The following AGTPBP1 variants were observed in gnomAD, a reference collection of about 807,000 sequenced individuals.
AGTPBP1 encodes the protein ATP/GTP binding carboxypeptidase 1.
AGTPBP1 carries 70 observed loss-of-function variants against 143.9 expected under a neutral mutation model. The ratio of observed to expected loss-of-function variants is 0.49; its 90% confidence interval spans 0.40 to 0.59. AGTPBP1 has a LOEUF of 0.59. AGTPBP1 is among the 20% of genes least tolerant of loss of function. The pLI, the probability that AGTPBP1 is intolerant of heterozygous loss-of-function variation, is 0.00. For missense variants in AGTPBP1, 1,229 were observed against 1,464.5 expected (o/e 0.84, Z 2.62); for synonymous variants, 463 against 500.2 (o/e 0.93, Z 0.99).
chr9:85,755,673 C>A, the AGTPBP1 span, among the ~76,000 whole-genome samples: 1 of 152,146 alleles, frequency 6.6e-6, no homozygotes, highest in Non-Finnish European at 1.5e-5. Context: ...ACAGCCCCTG[C>A]AATCAATCAA....
At chr9:85,596,295 G>A (rs1041739468) in intron 18 of AGTPBP1, 67 bp downstream of exon 18, 2 of 1,090,830 alleles carry the variant, frequency 1.8e-6, no homozygotes, top group African/African-American at 3.2e-5. Flanking sequence ...CTTTTACACT[G>A]AAACAGGATG....
At chr9:85,590,714 C>G (rs745937038) in intron 19 of AGTPBP1, among the ~76,000 whole-genome samples, 29 of 152,090 alleles carry the variant, frequency 1.9e-4, no homozygotes, top group Non-Finnish European at 2.8e-4. Context: ...CAGAAAACTA[C>G]ATTTAAATGA....
intron 17 of AGTPBP1, among the ~76,000 whole-genome samples, chr9:85,602,740 A>T (rs1829749734): frequency 6.6e-6 from 1 of 152,200 alleles, no homozygotes; most frequent in Non-Finnish European, 1.5e-5. Flanking sequence ...GTGAGCGATC[A>T]TACCAAGGAA....
At chr9:85,643,011 G>T in intron 12 of AGTPBP1, 68 bp from the exon 13 acceptor site, 2 of 987,020 alleles carry the variant, frequency 2.0e-6, no homozygotes, top group South Asian at 1.4e-5. Flanking sequence ...AAACATTTTA[G>T]ATTTAAAATG....
At chr9:85,756,720 G>A in the AGTPBP1 span, among the ~76,000 whole-genome samples, 1 of 152,150 alleles carries the variant, frequency 6.6e-6, no homozygotes, top group Non-Finnish European at 1.5e-5. Context: ...AGTGATGAAT[G>A]GATAAACTGT....
At chr9:85,740,975 C>T (rs1824218297) in intron 1 of AGTPBP1, among the ~76,000 whole-genome samples, 1 of 152,146 alleles carries the variant, frequency 6.6e-6, no homozygotes, top group Admixed American at 6.5e-5. Context: ...AGAAAGGAAC[C>T]CAACCAACTC....
chr9:85,757,186 C>T, the AGTPBP1 span, among the ~76,000 whole-genome samples: 34 of 152,260 alleles, frequency 2.2e-4, no homozygotes, highest in African/African-American at 3.4e-4. Flanking sequence ...CCCGTCTCAG[C>T]CTCCCGAGTA....
chr9:85,728,924 A>G (rs2134712411), intron 1 of AGTPBP1, among the ~76,000 whole-genome samples: 1 of 152,334 alleles, frequency 6.6e-6, no homozygotes, highest in South Asian at 2.1e-4. Context: ...GTGCAAAAGT[A>G]ATCACAGTTA....
chr9:85,744,791 G>T (rs73481030), upstream of AGTPBP1, among the ~76,000 whole-genome samples: 2,919 of 152,266 alleles, frequency 0.019, 92 homozygotes, highest in African/African-American at 0.067. Flanking sequence ...ACGAAACATG[G>T]GTGGGAGCTT....
the AGTPBP1 span, among the ~76,000 whole-genome samples, chr9:85,780,545 C>T: frequency 2.0e-5 from 3 of 151,460 alleles, no homozygotes; most frequent in East Asian, 5.8e-4. Flanking sequence ...ACTAAAGCAG[C>T]CAATGAACAG....
intron 1 of AGTPBP1, among the ~76,000 whole-genome samples, chr9:85,714,326 T>C (rs562849180): frequency 3.9e-5 from 6 of 152,360 alleles, no homozygotes; most frequent in African/African-American, 7.2e-5. Context: ...TTGTGCCTTA[T>C]CCTTTAATCA....
chr9:85,597,578 T>C (rs1829376890), intron 17 of AGTPBP1, among the ~76,000 whole-genome samples: 1 of 152,160 alleles, frequency 6.6e-6, no homozygotes, highest in South Asian at 2.1e-4. Flanking sequence ...TTTCTGTATG[T>C]GAGACACTGC....
At chr9:85,660,501 T>C (rs1478950121) in intron 9 of AGTPBP1, among the ~76,000 whole-genome samples, 1 of 152,200 alleles carries the variant, frequency 6.6e-6, no homozygotes, top group Non-Finnish European at 1.5e-5. Context: ...CTAAATGTTA[T>C]ATAAACTTAC....
chr9:85,572,004 G>GTGTTTTTTTT (rs1827509214), intron 25 of AGTPBP1, among the ~76,000 whole-genome samples: 1 of 43,430 alleles, frequency 2.3e-5, no homozygotes, highest in Non-Finnish European at 5.0e-5. Flanking sequence ...GTTTGTGTGT[G>GTGTTTTTTTT]TTTTTTTTTT....
intron 3 of AGTPBP1, among the ~76,000 whole-genome samples, chr9:85,691,785 G>T (rs996253597): frequency 1.3e-5 from 2 of 152,008 alleles, no homozygotes; most frequent in Non-Finnish European, 2.9e-5. Flanking sequence ...TTATGTTCCT[G>T]AGTACAAAGT....
intron 25 of AGTPBP1, among the ~76,000 whole-genome samples, chr9:85,561,583 C>A (rs538672614): frequency 6.6e-6 from 1 of 151,848 alleles, no homozygotes; most frequent in African/African-American, 2.4e-5. Flanking sequence ...TAGCAGTGTT[C>A]TTTGGGAAAA....
intron 13 of AGTPBP1, among the ~76,000 whole-genome samples, chr9:85,639,392 CACACACAT>C (rs1219015528): frequency 2.0e-5 from 3 of 151,864 alleles, no homozygotes; most frequent in African/African-American, 7.3e-5. Context: ...CACACACACA[CACACACAT>C]ATGAAAAGAA....
intron 2 of AGTPBP1, among the ~76,000 whole-genome samples, chr9:85,703,177 A>G (rs1322163259): frequency 6.6e-6 from 1 of 152,152 alleles, no homozygotes. Context: ...AATCTTGCCA[A>G]TAACTGAATT....
chr9:85,748,424 C>T, the AGTPBP1 span, among the ~76,000 whole-genome samples: 1 of 152,134 alleles, frequency 6.6e-6, no homozygotes, highest in East Asian at 1.9e-4. Flanking sequence ...GATACTTTTC[C>T]GTGGCTGCAA....
Sources: gnomAD v4.1 joint callset for allele counts (sites outside exome capture counted in the v4.1 genomes callset) on GRCh38, gnomAD v4.1.1 for gene constraint, MANE v1.5 for transcripts, NCBI Gene and HGNC (gene_info 2026-07-23, HGNC 2026-07-21) for gene names.